NCOR1: variants seen among roughly 807,000 people sequenced by gnomAD.
The protein encoded by NCOR1 is protein phosphatase 1, regulatory subunit 109.
Under a neutral mutation model 288.1 loss-of-function variants are expected in NCOR1, and 63 were observed. The ratio of observed to expected loss-of-function variants is 0.22; its 90% CI spans 0.18 to 0.27. NCOR1 has a LOEUF of 0.27. Among genes scored for constraint, NCOR1 ranks in the 10% least tolerant of loss-of-function variants. The pLI, the probability that NCOR1 is intolerant of heterozygous loss-of-function variation, is 1.00. For missense variants in NCOR1, 2,397 were observed against 3,019.2 expected (o/e 0.79, Z 4.83); for synonymous variants, 1,007 against 1,065.9 (o/e 0.94, Z 1.08).
chr17:16,149,445 C>T lies in NCOR1; in HGVS notation c.909+6G>A. 1 of 1,531,686 alleles carries T rather than the reference C, an allele frequency of 6.5e-7. No individual in the cohort carries two copies. The allele number at this position is 1,531,686 out of a possible 1,614,324, so 94.9% of individuals were successfully genotyped here. A position where few individuals can be genotyped will look rare whatever the true frequency, so the allele number is the denominator to read the frequency against. On this transcript the variant is annotated splice_donor_region_variant and intron_variant, in intron 9 of 45. Transcript: ENST00000268712. ...TAAATTTCAGTTAACAAGGATAGGA[C>T]CTCACCCTTTGTTTTCTTGCATGAT...
intron 3 of NCOR1, among the ~76,000 whole-genome samples, chr17:16,177,818 A>G (rs1298181089): frequency 1.3e-5 from 2 of 152,146 alleles, no homozygotes; most frequent in African/African-American, 4.8e-5. Flanking sequence ...ACCACCACCA[A>G]TTGAAATTTT....
At chr17:16,032,575 T>A (rs1302295198) in intron 45 of NCOR1, 92 bp from the exon 46 acceptor site, 6 of 1,260,398 alleles carry the variant, frequency 4.8e-6, no homozygotes, top group Non-Finnish European at 6.5e-6. Flanking sequence ...AATAGGATTA[T>A]TGTAAAATGG....
At chr17:16,194,429 AC>A in intron 2 of NCOR1, 32 bp downstream of exon 2, 1 of 1,402,870 alleles carries the variant, frequency 7.1e-7, no homozygotes, top group Non-Finnish European at 9.9e-7. Flanking sequence ...AACACAAAAA[AC>A]ATGTGCAATT....
At chr17:16,201,934 A>T (rs1156263377) in intron 1 of NCOR1, among the ~76,000 whole-genome samples, 2 of 151,932 alleles carry the variant, frequency 1.3e-5, no homozygotes, top group African/African-American at 2.4e-5. Context: ...TACTAAAAAT[A>T]CAAAAAATAC....
rs147518577 is a variant in NCOR1 at position 16,105,404 on chromosome 17, G to A, written c.2182+3382C>T. Among the ~76,000 whole-genome samples the A allele has an allele frequency of 7.9e-3, 1,195 of 151,980 alleles. 20 individuals carry two copies. Among genetic ancestry groups the A allele is most frequent in the African/African-American group, 0.026 (1,095 of 41,412 alleles). Reference sequence around the variant, plus strand: ...TGCACTCCAGCCTAGGTGACACAGCGAGACCTCATCTCTAAAAATAAATAA... The same window carrying A: ...TGCACTCCAGCCTAGGTGACACAGCAAGACCTCATCTCTAAAAATAAATAA... On this transcript the variant is annotated intron_variant, in intron 19 of 45. Transcript: ENST00000268712.
chr17:16,200,615 C>T (rs2090661698), intron 1 of NCOR1, among the ~76,000 whole-genome samples: 1 of 150,696 alleles, frequency 6.6e-6, no homozygotes, highest in Admixed American at 6.6e-5. Flanking sequence ...GTGAAGCCTA[C>T]ATTTCACCAA....
In NCOR1 at chr17:16,057,918, C is replaced by T; in HGVS notation, c.6157G>A (p.Asp2053Asn). ...PRTHRLITLADHICQIITQDF... is the reference protein window; with the variant it reads ...PRTHRLITLANHICQIITQDF... The stretch of plus-strand genomic sequence containing the variant: ...AATGAAAAACTTACACAGATGTGAT[C>T]AGCAAGTGTGATCAGCCGATGGGTC... Residue 2053 changes from aspartate (D) to asparagine (N), a missense_variant, in exon 39 of 46, where the codon GAT (aspartate) becomes AAT (asparagine). Asp to Asn is a conservative substitution (Grantham distance 23). Transcript: ENST00000268712. The T allele has an allele frequency of 1.2e-6, 2 of 1,608,724 alleles. No homozygotes were observed. Among genetic ancestry groups the T allele is most frequent in the Non-Finnish European group, 1.7e-6 (2 of 1,177,214 alleles).
intron 6 of NCOR1, among the ~76,000 whole-genome samples, chr17:16,157,529 T>C (rs1470858287): frequency 6.6e-6 from 1 of 152,206 alleles, no homozygotes; most frequent in Non-Finnish European, 1.5e-5. Context: ...TAATTCACAA[T>C]TGCTTTATTT....
At chr17:16,186,030 C>T (rs538188205) in intron 3 of NCOR1, among the ~76,000 whole-genome samples, 2 of 152,186 alleles carry the variant, frequency 1.3e-5, no homozygotes, top group African/African-American at 2.4e-5. Context: ...AAAAAGAGAA[C>T]CCACCATGCA....
At chr17:16,073,865 T>C (rs2062051028) in intron 27 of NCOR1, among the ~76,000 whole-genome samples, 1 of 152,126 alleles carries the variant, frequency 6.6e-6, no homozygotes, top group Non-Finnish European at 1.5e-5. Flanking sequence ...TAAAATAAGC[T>C]ATGAAAGGAG....
chr17:16,143,593 T>C lies in NCOR1; in HGVS notation c.1173+13A>G. On this transcript the variant is annotated intron_variant, in intron 11 of 45. Coordinates refer to ENST00000268712, the MANE Select transcript of NCOR1 (RefSeq NM_006311.4). ...AATTAACGAATTAACTTGAATTAAA[T>C]TTATTTTCTTACCTCCTGCTCAGAG... 1 of 1,598,920 alleles carries C rather than the reference T, an allele frequency of 6.3e-7. No individual in the cohort carries two copies. Among genetic ancestry groups the C allele is most frequent in the Non-Finnish European group, 8.6e-7 (1 of 1,167,004 alleles).
At chr17:16,058,837 A>G (rs9709250) in intron 37 of NCOR1, among the ~76,000 whole-genome samples, 80,578 of 151,580 alleles carry the variant, frequency 0.53, 21,799 homozygotes, top group Middle Eastern at 0.62. Context: ...ACCTGAGGTC[A>G]GGGGTTTGAG....
At chr17:16,153,014 CCTAATA>C (rs1343936570) in intron 7 of NCOR1, among the ~76,000 whole-genome samples, 1 of 151,992 alleles carries the variant, frequency 6.6e-6, no homozygotes, top group Non-Finnish European at 1.5e-5. Context: ...ATTAATACTC[CCTAATA>C]CTAGGGAGTA....
intron 16 of NCOR1, among the ~76,000 whole-genome samples, chr17:16,120,145 T>C (rs2072680605): frequency 6.6e-6 from 1 of 152,090 alleles, no homozygotes; most frequent in Non-Finnish European, 1.5e-5. Context: ...TTGCCTCCCA[T>C]TTACCACTCA....
chr17:16,100,472 C>T (rs2067417536), intron 20 of NCOR1, among the ~76,000 whole-genome samples: 1 of 152,090 alleles, frequency 6.6e-6, no homozygotes, highest in Non-Finnish European at 1.5e-5. Context: ...AAAACCCCAT[C>T]TCTACTAAAA....
At chr17:16,180,488 T>C (rs1371042264) in intron 3 of NCOR1, among the ~76,000 whole-genome samples, 2 of 152,150 alleles carry the variant, frequency 1.3e-5, no homozygotes, top group South Asian at 2.1e-4. Context: ...CAGTGGTTCA[T>C]GCTTATAATC....
At chr17:16,074,789 G>T (rs1468806069) in intron 27 of NCOR1, among the ~76,000 whole-genome samples, 2 of 149,576 alleles carry the variant, frequency 1.3e-5, no homozygotes, top group Admixed American at 1.3e-4. Context: ...CTAAAAAAAT[G>T]TACATAGACA....
intron 3 of NCOR1, among the ~76,000 whole-genome samples, chr17:16,181,025 G>T (rs962720369): frequency 6.6e-6 from 1 of 152,132 alleles, no homozygotes; most frequent in Admixed American, 6.5e-5. Context: ...TGGGCATGGT[G>T]GCACACGCCT....
intron 19 of NCOR1, among the ~76,000 whole-genome samples, chr17:16,102,136 G>C (rs1365221515): frequency 3.3e-5 from 5 of 152,118 alleles, no homozygotes; most frequent in Non-Finnish European, 7.3e-5. Flanking sequence ...CTCTTCCTGT[G>C]AATTTCCTTT....
Sources: gnomAD v4.1 joint callset for allele counts (sites outside exome capture counted in the v4.1 genomes callset) on GRCh38, gnomAD v4.1.1 for gene constraint, MANE v1.5 for transcripts, NCBI Gene and HGNC (gene_info 2026-07-23, HGNC 2026-07-21) for gene names.